FSTL5: variants seen among roughly 807,000 people sequenced by gnomAD.
The protein encoded by FSTL5 is follistatin-related protein 5.
In FSTL5, 62 loss-of-function variants were observed where a neutral mutation model predicts 89.1. The observed-to-expected ratio is 0.70, with a 90% CI of 0.57 to 0.86. The LOEUF (loss-of-function observed/expected upper bound fraction) is 0.86, where lower values mean the gene tolerates loss of function less well. FSTL5 is among the 40% of genes least tolerant of loss of function. The pLI is 0.00. For missense variants in FSTL5, 1,057 were observed against 1,001.6 expected, an observed-to-expected ratio of 1.06 and a Z score of -0.75; for synonymous variants, 383 against 346.2, an observed-to-expected ratio of 1.11 and a Z score of -1.18.
At chr4:162,048,820 T>C (rs1267787414) in intron 2 of FSTL5, among the ~76,000 whole-genome samples, 1 of 152,168 alleles carries the variant, frequency 6.6e-6, no homozygotes, top group African/African-American at 2.4e-5. Context: ...GATATCCTCT[T>C]GGAGTTATGG....
intron 8 of FSTL5, among the ~76,000 whole-genome samples, chr4:161,585,301 T>A (rs1227930939): frequency 6.6e-6 from 1 of 152,196 alleles, no homozygotes; most frequent in Non-Finnish European, 1.5e-5. Context: ...AGCAGCCGTT[T>A]AGAATAGTTG....
chr4:162,061,697 G>A (rs1297506559), intron 2 of FSTL5, among the ~76,000 whole-genome samples: 1 of 152,048 alleles, frequency 6.6e-6, no homozygotes, highest in African/African-American at 2.4e-5. Context: ...AAAGCACGCA[G>A]TCCTTCTAAA....
intron 4 of FSTL5, among the ~76,000 whole-genome samples, chr4:161,873,676 A>C (rs1283840665): frequency 6.7e-6 from 1 of 149,916 alleles, no homozygotes; most frequent in Non-Finnish European, 1.5e-5. Context: ...AACATTTCCT[A>C]TATTTTGAAG....
At chr4:161,727,578 CA>C (rs1409404406) in intron 6 of FSTL5, among the ~76,000 whole-genome samples, 5 of 152,150 alleles carry the variant, frequency 3.3e-5, no homozygotes, top group Admixed American at 1.3e-4. Context: ...TCTAAGTTTT[CA>C]TGTATTCCCT....
chr4:161,746,407 G>C (rs1244238005), intron 6 of FSTL5, among the ~76,000 whole-genome samples: 1 of 152,014 alleles, frequency 6.6e-6, no homozygotes, highest in Non-Finnish European at 1.5e-5. Flanking sequence ...TTATCACTTA[G>C]AGAATTGCAG....
At chr4:161,564,973 T>A (rs1332731313) in intron 8 of FSTL5, among the ~76,000 whole-genome samples, 4 of 151,918 alleles carry the variant, frequency 2.6e-5, no homozygotes, top group Non-Finnish European at 1.5e-5. Flanking sequence ...TTTATAAAAC[T>A]ATATGATGCA....
intron 7 of FSTL5, among the ~76,000 whole-genome samples, chr4:161,590,446 C>A (rs149989280): frequency 5.3e-5 from 8 of 151,964 alleles, no homozygotes; most frequent in Non-Finnish European, 1.2e-4. Context: ...GGCTGAGGCA[C>A]GAGAATTGCT....
chr4:161,833,149 A>T (rs1730905152), intron 4 of FSTL5, among the ~76,000 whole-genome samples: 1 of 151,534 alleles, frequency 6.6e-6, no homozygotes, highest in Non-Finnish European at 1.5e-5. Context: ...CCCAGTAGTC[A>T]TTCAGGAGCA....
intron 3 of FSTL5, among the ~76,000 whole-genome samples, chr4:161,922,454 T>C (rs959936170): frequency 2.6e-5 from 4 of 151,904 alleles, no homozygotes; most frequent in African/African-American, 7.2e-5. Flanking sequence ...TTTTGGAAAA[T>C]TTATGTAATG....
intron 4 of FSTL5, among the ~76,000 whole-genome samples, chr4:161,799,747 A>T (rs953218186): frequency 2.0e-4 from 31 of 151,682 alleles, no homozygotes; most frequent in African/African-American, 4.8e-5. Flanking sequence ...AAGGGGTAAA[A>T]ACTATGACAA....
intron 8 of FSTL5, among the ~76,000 whole-genome samples, chr4:161,563,179 T>C (rs1334799963): frequency 6.6e-6 from 1 of 151,974 alleles, no homozygotes; most frequent in Non-Finnish European, 1.5e-5. Context: ...ATACCACATT[T>C]TACTTCTCCA....
Position 162,118,174 on chromosome 4 carries a change from A to G in FSTL5, c.-16-6762T>C, listed in dbSNP as rs553693505. ...TTTGTTGTAACAGTTATTTTCATCT[A>G]TTGAGACACTTTAACTACACACCTA... is the stretch of plus-strand genomic sequence containing the variant. On this transcript the variant is annotated intron_variant, in intron 1 of 15. Coordinates refer to ENST00000306100, the MANE Select transcript of FSTL5 (RefSeq NM_020116.5). Among the ~76,000 whole-genome samples the G allele has an allele frequency of 8.1e-4, 124 of 152,294 alleles. 1 individual carries two copies. The highest frequency in any genetic ancestry group is 2.9e-3 in the African/African-American group (121 of 41,558).
chr4:161,410,014 G>C (rs1275775791), intron 15 of FSTL5, among the ~76,000 whole-genome samples: 1 of 152,066 alleles, frequency 6.6e-6, no homozygotes, highest in Non-Finnish European at 1.5e-5. Flanking sequence ...GATACCCACA[G>C]GCTAAAAGTA....
chr4:162,003,287 G>A (rs1036964200), intron 3 of FSTL5, among the ~76,000 whole-genome samples: 2 of 151,874 alleles, frequency 1.3e-5, no homozygotes, highest in Admixed American at 6.6e-5. Context: ...TGTTCTATGC[G>A]CTTTACTCAT....
At chr4:161,667,607 T>A (rs372529243) in intron 6 of FSTL5, among the ~76,000 whole-genome samples, 1 of 152,114 alleles carries the variant, frequency 6.6e-6, no homozygotes, top group African/African-American at 2.4e-5. Flanking sequence ...AAAATAATTG[T>A]GAGTATTAAC....
chr4:162,023,993 G>A (rs181506141), intron 3 of FSTL5, among the ~76,000 whole-genome samples: 127 of 152,168 alleles, frequency 8.3e-4, no homozygotes, highest in African/African-American at 2.9e-3. Context: ...AATCTAGAAG[G>A]CTAACTGCAA....
intron 4 of FSTL5, among the ~76,000 whole-genome samples, chr4:161,793,381 T>C (rs1186468986): frequency 6.6e-6 from 1 of 152,206 alleles, no homozygotes; most frequent in African/African-American, 2.4e-5. Flanking sequence ...AATGATCCTG[T>C]AACACTTAAA....
Position 161,497,835 on chromosome 4 carries a change from G to T in FSTL5, c.1458+2181C>A, listed in dbSNP as rs528948070. The stretch of plus-strand genomic sequence containing the variant: ...CCGTTGGTGTATGTTTGTGGATAAG[G>T]GTTCACTGTTTGAAGAAAATAAGTT... On this transcript the variant is annotated intron_variant, in intron 12 of 15. Coordinates refer to ENST00000306100, the MANE Select transcript of FSTL5 (RefSeq NM_020116.5). 4.0e-5 allele frequency among the ~76,000 whole-genome samples: 6 copies of T among 151,650 alleles called. No homozygotes were observed. The South Asian group carries it at 6.2e-4, about 16-fold the overall frequency.
At chr4:161,492,584 T>C (rs1405828965) in intron 12 of FSTL5, among the ~76,000 whole-genome samples, 1 of 152,124 alleles carries the variant, frequency 6.6e-6, no homozygotes, top group Non-Finnish European at 1.5e-5. Flanking sequence ...AACTATGTTG[T>C]TGTTTGGCAA....
Sources: gnomAD v4.1 joint callset for allele counts (sites outside exome capture counted in the v4.1 genomes callset) on GRCh38, gnomAD v4.1.1 for gene constraint, MANE v1.5 for transcripts, NCBI Gene and HGNC (gene_info 2026-07-23, HGNC 2026-07-21) for gene names.